Variants in NLRC5 observed in about 807,000 individuals in gnomAD.
NLRC5 encodes the protein NLR family CARD domain containing 5, also known as protein NLRC5.
In NLRC5, 114 loss-of-function variants were observed where a neutral mutation model predicts 206.9. The observed-to-expected ratio is 0.55, with a 90% CI of 0.47 to 0.64. The LOEUF is 0.64. Among genes scored for constraint, NLRC5 ranks in the 30% least tolerant of loss-of-function variants. The probability of loss-of-function intolerance (pLI) is 0.00; values close to 1 mark genes in which losing one functional copy is unlikely to be tolerated. For missense variants in NLRC5, 2,008 were observed against 2,305.5 expected, an observed-to-expected ratio of 0.87 and a Z score of 2.64; for synonymous variants, 952 against 962.8, an observed-to-expected ratio of 0.99 and a Z score of 0.21.
chr16:57,068,201 A>G (rs289709), intron 36 of NLRC5, among the ~76,000 whole-genome samples: 60,789 of 151,946 alleles, frequency 0.4, 13,386 homozygotes, highest in Non-Finnish European at 0.49. Context: ...AGGCCGAGGC[A>G]GGTGGATTGC....
chr16:56,999,671 G>A (rs1370025140), intron 1 of NLRC5, among the ~76,000 whole-genome samples: 1 of 152,264 alleles, frequency 6.6e-6, no homozygotes, highest in African/African-American at 2.4e-5. Context: ...TCTGAGGAAG[G>A]TGCTCTGCCC....
chr16:57,022,691 C>T (rs2060809768), intron 4 of NLRC5, among the ~76,000 whole-genome samples: 1 of 152,248 alleles, frequency 6.6e-6, no homozygotes, highest in African/African-American at 2.4e-5. Context: ...ACACCTTGGA[C>T]TTGACACTCA....
intron 20 of NLRC5, among the ~76,000 whole-genome samples, chr16:57,044,291 T>A (rs1398060659): frequency 6.9e-6 from 1 of 144,162 alleles, no homozygotes; most frequent in African/African-American, 2.6e-5. Context: ...GGCGACAGAG[T>A]GAGACTCCAT....
intron 1 of NLRC5, among the ~76,000 whole-genome samples, chr16:57,012,629 C>G (rs1255425070): frequency 1.3e-5 from 2 of 152,184 alleles, no homozygotes; most frequent in Non-Finnish European, 2.9e-5. Context: ...TTGCGAGTTT[C>G]TGATGAGAAT....
In NLRC5 at chr16:57,051,535, C is replaced by T. The variant is rs2064903952; in HGVS notation, c.3423-3C>T. 2.5e-6 allele frequency: 4 copies of T among 1,612,764 alleles called. No individual in the cohort carries two copies. The East Asian group carries it at 8.9e-5, about 36-fold the overall frequency. ...CACCTCATCCACCTGCTTTGTTTCA[C>T]AGATTGTCCTGTGAGTTCCTGAGTG... On this transcript the variant is annotated splice_region_variant and splice_polypyrimidine_tract_variant and intron_variant, in intron 23 of 48. Transcript: ENST00000688547.
chr16:57,060,977 G>T (rs2066400653), intron 30 of NLRC5, among the ~76,000 whole-genome samples: 1 of 152,244 alleles, frequency 6.6e-6, no homozygotes, highest in African/African-American at 2.4e-5. Flanking sequence ...TCCCCAGGGA[G>T]CTCAGCCAGT....
intron 38 of NLRC5, among the ~76,000 whole-genome samples, chr16:57,073,756 G>A (rs780978093): frequency 6.6e-6 from 1 of 152,146 alleles, no homozygotes; most frequent in Non-Finnish European, 1.5e-5. Flanking sequence ...ACCAGGCCCA[G>A]CTAATTTTTC....
Position 57,045,509 on chromosome 16 carries a change from C to T in NLRC5, c.3248+17C>T, listed in dbSNP as rs775979115. Reference sequence around the variant, plus strand: ...GACAAGCAGGTGAGGAGGGAACGCTCGGGGTGGGGGAGTCCCCTCCCGCTC... The same window carrying T: ...GACAAGCAGGTGAGGAGGGAACGCTTGGGGTGGGGGAGTCCCCTCCCGCTC... On this transcript the variant is annotated intron_variant, in intron 21 of 48. Coordinates refer to ENST00000688547, the MANE Select transcript of NLRC5 (RefSeq NM_001384950.1). The T allele has an allele frequency of 1.5e-5, 25 of 1,613,078 alleles. No individual in the cohort carries two copies. The Admixed American group carries it at 2.0e-4, about 13-fold the overall frequency.
intron 27 of NLRC5, among the ~76,000 whole-genome samples, chr16:57,057,446 C>T (rs536194509): frequency 2.6e-5 from 4 of 152,276 alleles, no homozygotes; most frequent in Non-Finnish European, 5.9e-5. Flanking sequence ...TAAATAAAAC[C>T]ACAGAATGCT....
chr16:57,050,086 G>A (rs1352636454), intron 23 of NLRC5, among the ~76,000 whole-genome samples: 2 of 144,888 alleles, frequency 1.4e-5, no homozygotes, highest in East Asian at 4.0e-4. Flanking sequence ...ATGTGGTAAA[G>A]AGTAAAGATT....
chr16:57,043,125 A>G (rs1182128767), intron 19 of NLRC5, among the ~76,000 whole-genome samples: 4 of 152,038 alleles, frequency 2.6e-5, no homozygotes, highest in Non-Finnish European at 2.9e-5. Context: ...AAGAAAGGAG[A>G]CACTTTGTTC....
Position 57,067,828 on chromosome 16 carries a change from G to A in NLRC5, c.4499G>A (p.Arg1500Gln), listed in dbSNP as rs139914405. 7.4e-5 allele frequency: 119 copies of A among 1,612,378 alleles called. No individual in the cohort carries two copies. In the East Asian group the frequency reaches 8.9e-4, roughly 12 times the overall value. Residue 1500 changes from arginine to glutamine, a missense_variant and splice_region_variant, in exon 36 of 49, where the codon CGG becomes CAG. Coordinates refer to ENST00000688547, the MANE Select transcript of NLRC5 (RefSeq NM_001384950.1). Reference protein sequence around the residue: ...LLSLSELKTFRLTSSCVSTEG... With the variant: ...LLSLSELKTFQLTSSCVSTEG... Reference sequence around the variant, plus strand: ...TCCCTCTCTGAGCTGAAGACATTTCGGTATGTAGACAAGACATTCACTCAG... The same window carrying A: ...TCCCTCTCTGAGCTGAAGACATTTCAGTATGTAGACAAGACATTCACTCAG...
chr16:57,025,337 T>C, intron 5 of NLRC5, 31 bp from the exon 6 acceptor site: 1 of 1,511,336 alleles, frequency 6.6e-7, no homozygotes, highest in Non-Finnish European at 8.8e-7. Flanking sequence ...CGGGGGGTCC[T>C]CTCCTCATGC....
At chr16:57,077,073 T>C (rs1349566516) in intron 40 of NLRC5, among the ~76,000 whole-genome samples, 171 bp downstream of exon 40, 1 of 152,202 alleles carries the variant, frequency 6.6e-6, no homozygotes, top group African/African-American at 2.4e-5. Flanking sequence ...AAAGACAGGA[T>C]GTAAGAGTGT....
chr16:57,045,336 A>C (rs936039751), intron 20 of NLRC5, 112 bp from the exon 21 acceptor site: 1 of 901,404 alleles, frequency 1.1e-6, no homozygotes. Context: ...TTGTTTGCTA[A>C]GAAAGCAGGC....
chr16:57,036,321 G>A, intron 14 of NLRC5, 138 bp downstream of exon 14: 1 of 762,554 alleles, frequency 1.3e-6, no homozygotes, highest in Non-Finnish European at 2.2e-6. Flanking sequence ...AGTCAAGATG[G>A]TTTGACCATG....
Position 57,067,933 on chromosome 16 carries a change from T to C in NLRC5, c.4499+105T>C, listed in dbSNP as rs2067240767. ...CTCAGAGGACTCTTACTCTGTGTCT[T>C]ACTCTGTGGACACAAACCACAGGTG... On this transcript the variant is annotated intron_variant, in intron 36 of 48. Coordinates refer to ENST00000688547, the MANE Select transcript of NLRC5 (RefSeq NM_001384950.1). 3 of 895,706 alleles carry C rather than the reference T, an allele frequency of 3.3e-6. No homozygotes were observed. In the East Asian group the frequency reaches 7.3e-5, roughly 22 times the overall value. The allele number at this position is 895,706 out of a possible 1,614,324, so 55.5% of individuals were successfully genotyped here.
chr16:57,077,583 A>G (rs1265575344), intron 41 of NLRC5, 136 bp from the exon 42 acceptor site: 1 of 992,178 alleles, frequency 1.0e-6, no homozygotes, highest in Admixed American at 2.5e-5. Flanking sequence ...TTTCTGCCTC[A>G]TTGTCTGGGT....
chr16:57,071,937 A>T (rs1372236257), intron 38 of NLRC5, among the ~76,000 whole-genome samples: 1 of 152,048 alleles, frequency 6.6e-6, no homozygotes, highest in East Asian at 1.9e-4. Flanking sequence ...ATGTTTCTGG[A>T]TGGACCCAGG....
Sources: gnomAD v4.1 joint callset for allele counts (sites outside exome capture counted in the v4.1 genomes callset) on GRCh38, gnomAD v4.1.1 for gene constraint, MANE v1.5 for transcripts, NCBI Gene and HGNC (gene_info 2026-07-23, HGNC 2026-07-21) for gene names.